The following CTDSPL2 variants were observed in gnomAD, a reference collection of about 807,000 sequenced individuals.
CTDSPL2 encodes the protein CTD small phosphatase-like protein 2.
CTDSPL2 carries 5 observed loss-of-function variants against 60.0 expected under a neutral mutation model. The ratio of observed to expected loss-of-function variants is 0.08; its 90% CI spans 0.04 to 0.18. The LOEUF (loss-of-function observed/expected upper bound fraction) is 0.18. CTDSPL2 is among the 10% of genes least tolerant of loss of function. The pLI is 1.00. For missense variants in CTDSPL2, 370 were observed against 548.8 expected (o/e 0.67, Z 3.26); for synonymous variants, 186 against 189.3 (o/e 0.98, Z 0.14).
intron 5 of CTDSPL2, among the ~76,000 whole-genome samples, chr15:44,491,401 C>A (rs1217702461): frequency 6.6e-6 from 1 of 152,176 alleles, no homozygotes; most frequent in Non-Finnish European, 1.5e-5. Context: ...TGACATCCCC[C>A]CAAAAACTGC....
Position 44,527,337 on chromosome 15 carries a change from A to G in CTDSPL2, c.*3163A>G, listed in dbSNP as rs993143064. On this transcript the variant is annotated 3_prime_UTR_variant, in exon 13 of 13. Coordinates refer to ENST00000260327, the MANE Select transcript of CTDSPL2 (RefSeq NM_016396.3). ...TTTAAAAAATTATCTTTGGCCAATG[A>G]CTTTTTCATCTAGATCTTACTTTCA... 1 of 152,312 alleles carries G rather than the reference A, an allele frequency of 6.6e-6. No homozygotes were observed. The highest frequency in any genetic ancestry group is 2.4e-5 in the African/African-American group (1 of 41,376). The allele number at this position is 152,312 out of a possible 1,614,324, so 9.4% of individuals were successfully genotyped here.
intron 1 of CTDSPL2, among the ~76,000 whole-genome samples, chr15:44,458,469 C>A (rs998085656): frequency 5.3e-5 from 8 of 152,164 alleles, no homozygotes; most frequent in African/African-American, 9.7e-5. Context: ...TCTGTTGTTA[C>A]ACTTATATGG....
intron 2 of CTDSPL2, among the ~76,000 whole-genome samples, chr15:44,473,454 C>T (rs1174885826): frequency 6.6e-6 from 1 of 152,114 alleles, no homozygotes; most frequent in Admixed American, 6.6e-5. Flanking sequence ...CGCCACCACG[C>T]CCAGCTAATA....
intron 5 of CTDSPL2, among the ~76,000 whole-genome samples, chr15:44,491,228 A>G (rs2081208483): frequency 6.6e-6 from 1 of 152,208 alleles, no homozygotes; most frequent in Non-Finnish European, 1.5e-5. Context: ...CAGTTTAATT[A>G]TTACTACTAA....
At chr15:44,439,081 A>C (rs1357364640) in intron 1 of CTDSPL2, among the ~76,000 whole-genome samples, 1 of 151,738 alleles carries the variant, frequency 6.6e-6, no homozygotes, top group Non-Finnish European at 1.5e-5. Context: ...ATTTTCATTC[A>C]CAGATTTCTT....
In CTDSPL2 at chr15:44,459,117, C is replaced by G; in HGVS notation, c.103C>G (p.Pro35Ala). 1 of 1,612,988 alleles carries G rather than the reference C, an allele frequency of 6.2e-7. No individual in the cohort carries two copies. Among genetic ancestry groups the G allele is most frequent in the Non-Finnish European group, 8.5e-7 (1 of 1,179,414 alleles). Residue 35 changes from proline to alanine, a missense_variant, in exon 2 of 13, where the codon CCT (proline) becomes GCT (alanine). Physicochemically the swap from Pro to Ala is conservative, Grantham distance 27. Coordinates refer to ENST00000260327, the MANE Select transcript of CTDSPL2 (RefSeq NM_016396.3). The part of the protein sequence containing the change: ...RKYSEVDDSL[P>A]SGGEKPSKNE... ...ATATTCAGAGGTTGATGATAGCCTG[C>G]CTTCAGGAGGAGAAAAACCATCGAA...
chr15:44,455,574 T>G (rs2080417782), intron 1 of CTDSPL2, among the ~76,000 whole-genome samples: 4 of 151,422 alleles, frequency 2.6e-5, no homozygotes, highest in African/African-American at 7.3e-5. Context: ...AAATAGCTCT[T>G]ATTATTTTGA....
chr15:44,518,954 C>A, intron 10 of CTDSPL2: 1 of 315,326 alleles, frequency 3.2e-6, no homozygotes. Flanking sequence ...TTCTTTAAGG[C>A]ATAGTAATAT....
At chr15:44,443,051 A>G (rs2080124988) in intron 1 of CTDSPL2, among the ~76,000 whole-genome samples, 1 of 152,086 alleles carries the variant, frequency 6.6e-6, no homozygotes, top group African/African-American at 2.4e-5. Flanking sequence ...TTTGGATTAG[A>G]TGAAGATCTA....
At chr15:44,485,427 G>T (rs1010607487) in intron 3 of CTDSPL2, among the ~76,000 whole-genome samples, 4 of 152,214 alleles carry the variant, frequency 2.6e-5, no homozygotes, top group Non-Finnish European at 4.4e-5. Context: ...TGACAGTGAT[G>T]GGAATGGTTT....
At chr15:44,513,129 A>G (rs1003241997) in intron 8 of CTDSPL2, among the ~76,000 whole-genome samples, 2 of 151,518 alleles carry the variant, frequency 1.3e-5, no homozygotes, top group African/African-American at 2.4e-5. Context: ...TAGCCCAGAG[A>G]TGGGGACAGA....
chr15:44,442,153 A>G (rs928115375), intron 1 of CTDSPL2, among the ~76,000 whole-genome samples: 5 of 151,912 alleles, frequency 3.3e-5, no homozygotes, highest in African/African-American at 9.7e-5. Flanking sequence ...TCCTAGGGGG[A>G]AAAAACATAT....
At chr15:44,448,794 C>A in intron 1 of CTDSPL2, 2 of 350,674 alleles carry the variant, frequency 5.7e-6, no homozygotes, top group Non-Finnish European at 1.1e-5. Flanking sequence ...AGGGAAGCTG[C>A]GGACGCTTAG....
chr15:44,484,010 G>A (rs1424231373), intron 2 of CTDSPL2, among the ~76,000 whole-genome samples: 1 of 152,318 alleles, frequency 6.6e-6, no homozygotes, highest in East Asian at 1.9e-4. Flanking sequence ...TTGTAGGGAT[G>A]CTGTAATTGT....
intron 1 of CTDSPL2, among the ~76,000 whole-genome samples, chr15:44,452,826 T>A (rs937796731): frequency 6.6e-6 from 1 of 152,144 alleles, no homozygotes; most frequent in Non-Finnish European, 1.5e-5. Context: ...TCACCAGTTA[T>A]CTAATTTTTA....
At chr15:44,476,237 T>G (rs8042071) in intron 2 of CTDSPL2, among the ~76,000 whole-genome samples, 1,985 of 152,028 alleles carry the variant, frequency 0.013, 43 homozygotes, top group African/African-American at 0.045. Context: ...CTGGCTAATT[T>G]TTTGTATTTT....
chr15:44,449,627 G>T (rs1383958730), intron 1 of CTDSPL2, among the ~76,000 whole-genome samples: 1 of 152,090 alleles, frequency 6.6e-6, no homozygotes, highest in Non-Finnish European at 1.5e-5. Flanking sequence ...CACCACGCCT[G>T]GCCTCAGTTC....
At chr15:44,453,332 G>T (rs571350316) in intron 1 of CTDSPL2, among the ~76,000 whole-genome samples, 12 of 151,844 alleles carry the variant, frequency 7.9e-5, no homozygotes, top group Non-Finnish European at 1.8e-4. Flanking sequence ...TTCATTTATT[G>T]ATTATTTTTA....
At chr15:44,509,811 A>G (rs1022629426) in intron 8 of CTDSPL2, among the ~76,000 whole-genome samples, 13 of 151,274 alleles carry the variant, frequency 8.6e-5, no homozygotes, top group African/African-American at 3.2e-4. Context: ...CTATAGCCCC[A>G]GCTACTTGGG....
Sources: allele counts gnomAD v4.1 joint callset (sites outside exome capture counted in the v4.1 genomes callset), GRCh38; gene constraint gnomAD v4.1.1; transcripts MANE v1.5; gene names NCBI Gene and HGNC (gene_info 2026-07-23, HGNC 2026-07-21).